CAB39L: variants seen among roughly 807,000 people sequenced by gnomAD.
CAB39L encodes calcium-binding protein 39-like.
In CAB39L, 23 loss-of-function variants were observed where a neutral mutation model predicts 39.1. The ratio of observed to expected loss-of-function variants is 0.59; its 90% CI spans 0.42 to 0.83. The LOEUF (loss-of-function observed/expected upper bound fraction) is 0.83, where lower values mean the gene tolerates loss of function less well. Among genes scored for constraint, CAB39L ranks in the 40% least tolerant of loss-of-function variants. The pLI is 0.00. For synonymous variants in CAB39L, 126 were observed against 137.2 expected (o/e 0.92, Z 0.57); for missense variants, 366 against 391.9 (o/e 0.93, Z 0.56).
At chr13:49,411,341 C>A (rs1462948176) in intron 3 of CAB39L, among the ~76,000 whole-genome samples, 1 of 145,796 alleles carries the variant, frequency 6.9e-6, no homozygotes, top group Non-Finnish European at 1.5e-5. Context: ...GCCTTGGAGG[C>A]GGAGGTTGCA....
intron 3 of CAB39L, among the ~76,000 whole-genome samples, chr13:49,406,333 A>ATTTTT (rs34078174): frequency 1.3e-4 from 12 of 90,608 alleles, no homozygotes; most frequent in Non-Finnish European, 1.3e-4. Flanking sequence ...ATGCCCAGCT[A>ATTTTT]TTTTTTTTTT....
At chr13:49,346,292 T>A in intron 7 of CAB39L, among the ~76,000 whole-genome samples, 1 of 137,068 alleles carries the variant, frequency 7.3e-6, no homozygotes, top group African/African-American at 2.7e-5. Flanking sequence ...ACATAATACA[T>A]AGACAAATAT....
intron 9 of CAB39L, among the ~76,000 whole-genome samples, chr13:49,338,189 GAC>G (rs2138417258): frequency 6.6e-6 from 1 of 152,056 alleles, no homozygotes; most frequent in South Asian, 2.1e-4. Context: ...CTGCTATAAA[GAC>G]ACATGCACAC....
chr13:49,429,979 C>T (rs1411387312), intron 3 of CAB39L, among the ~76,000 whole-genome samples: 1 of 151,950 alleles, frequency 6.6e-6, no homozygotes, highest in Non-Finnish European at 1.5e-5. Flanking sequence ...TTTGGTTTAA[C>T]CAACATTCAT....
intron 1 of CAB39L, among the ~76,000 whole-genome samples, chr13:49,442,345 T>C (rs1566145558): frequency 6.6e-6 from 1 of 152,214 alleles, no homozygotes. Flanking sequence ...TACACTGTGA[T>C]TATAAAGCTT....
At chr13:49,418,613 G>A (rs1304286053) in intron 3 of CAB39L, among the ~76,000 whole-genome samples, 2 of 152,174 alleles carry the variant, frequency 1.3e-5, no homozygotes, top group Non-Finnish European at 2.9e-5. Context: ...TTGTCACCCA[G>A]GCTAAAGTGC....
At position 49,411,386 on chromosome 13, in the gene CAB39L, G is replaced by C. The variant is rs540059169; in HGVS notation, c.-32+21932C>G. 3.8e-4 allele frequency among the ~76,000 whole-genome samples: 57 copies of C among 150,036 alleles called. 1 individual carries two copies. The highest frequency in any genetic ancestry group is 1.3e-3 in the African/African-American group (55 of 40,788). On this transcript the variant is annotated intron_variant, in intron 3 of 10. Coordinates refer to ENST00000409308, the MANE Select transcript of CAB39L (RefSeq NM_001079670.3). ...GATAACGTCACTGCACTCCAGCCTGGGCAACAGAGAGAGACTCTCCTGAGA... is the reference window on the plus strand; with the variant it reads ...GATAACGTCACTGCACTCCAGCCTGCGCAACAGAGAGAGACTCTCCTGAGA...
At chr13:49,404,664 A>G (rs980580049) in intron 3 of CAB39L, among the ~76,000 whole-genome samples, 3 of 152,168 alleles carry the variant, frequency 2.0e-5, no homozygotes, top group Admixed American at 2.0e-4. Context: ...GTTTTGAGGA[A>G]GCTCAAAGAA....
chr13:49,357,646 G>C (rs1593979543), intron 6 of CAB39L, among the ~76,000 whole-genome samples: 1 of 152,174 alleles, frequency 6.6e-6, no homozygotes, highest in Admixed American at 6.5e-5. Flanking sequence ...AAATGGAAAT[G>C]TTTTCAAATA....
intron 6 of CAB39L, chr13:49,351,205 A>G (rs1955340070): frequency 4.1e-6 from 1 of 243,154 alleles, no homozygotes; most frequent in East Asian, 7.8e-5. Context: ...TCATACACTG[A>G]GAAGGGCTGT....
At chr13:49,391,222 G>A (rs1325031618) in intron 3 of CAB39L, among the ~76,000 whole-genome samples, 3 of 152,126 alleles carry the variant, frequency 2.0e-5, no homozygotes, top group African/African-American at 7.2e-5. Context: ...AGTTTCTAGG[G>A]AAAAAGATTT....
At chr13:49,442,787 C>CAAAAAAAAAA (rs71078844) in intron 1 of CAB39L, among the ~76,000 whole-genome samples, 31 of 103,674 alleles carry the variant, frequency 3.0e-4, no homozygotes, top group African/African-American at 5.7e-4. Flanking sequence ...GACTCCATCT[C>CAAAAAAAAAA]AAAAAAAAAA....
At chr13:49,416,873 A>G (rs1957094048) in intron 3 of CAB39L, among the ~76,000 whole-genome samples, 1 of 152,210 alleles carries the variant, frequency 6.6e-6, no homozygotes, top group South Asian at 2.1e-4. Flanking sequence ...ACTGAGAATT[A>G]GGTAAGATGT....
At chr13:49,407,980 G>A (rs1027447504) in intron 3 of CAB39L, among the ~76,000 whole-genome samples, 5 of 152,186 alleles carry the variant, frequency 3.3e-5, no homozygotes, top group Admixed American at 3.3e-4. Flanking sequence ...ATGGAGAGAC[G>A]GAGTGCTAGA....
chr13:49,426,918 T>C (rs1036440550), intron 3 of CAB39L, among the ~76,000 whole-genome samples: 1 of 152,206 alleles, frequency 6.6e-6, no homozygotes, highest in African/African-American at 2.4e-5. Context: ...GGAAAATTAT[T>C]ATTTCTCCCT....
chr13:49,405,337 T>C (rs1956849256), intron 3 of CAB39L, among the ~76,000 whole-genome samples: 1 of 151,714 alleles, frequency 6.6e-6, no homozygotes. Flanking sequence ...AGTGAAAATA[T>C]CCTTCAAACA....
chr13:49,343,619 A>C (rs1159709789), intron 8 of CAB39L, among the ~76,000 whole-genome samples: 1 of 151,394 alleles, frequency 6.6e-6, no homozygotes, highest in African/African-American at 2.4e-5. Context: ...AGGAGGGAGA[A>C]GAGAGAGGAG....
At chr13:49,393,910 A>C (rs1956545157) in intron 3 of CAB39L, among the ~76,000 whole-genome samples, 3 of 152,036 alleles carry the variant, frequency 2.0e-5, no homozygotes, top group Admixed American at 2.0e-4. Context: ...ACTGTAACAC[A>C]GTAATAGCAC....
chr13:49,443,477 C>T (rs1957583059), intron 1 of CAB39L, among the ~76,000 whole-genome samples: 1 of 152,236 alleles, frequency 6.6e-6, no homozygotes, highest in Admixed American at 6.5e-5. Context: ...TGTTTAGCAG[C>T]CGCTCCCTCG....
Sources: allele counts gnomAD v4.1 joint callset (sites outside exome capture counted in the v4.1 genomes callset), GRCh38; gene constraint gnomAD v4.1.1; transcripts MANE v1.5; gene names NCBI Gene and HGNC (gene_info 2026-07-23, HGNC 2026-07-21).